Variants in FXR1 observed in about 807,000 individuals in gnomAD.
The protein encoded by FXR1 is FMR1 autosomal homolog 1.
In FXR1, 15 loss-of-function variants were observed where a neutral mutation model predicts 84.0. That is an observed-to-expected ratio of 0.18 (90% CI 0.12 to 0.27). The LOEUF is 0.27. Among genes scored for constraint, FXR1 ranks in the 10% least tolerant of loss-of-function variants. The pLI, the probability that FXR1 is intolerant of heterozygous loss-of-function variation, is 1.00. For synonymous variants in FXR1, 245 were observed against 250.7 expected, an observed-to-expected ratio of 0.98 and a Z score of 0.21; for missense variants, 480 against 774.4, an observed-to-expected ratio of 0.62 and a Z score of 4.51.
chr3:180,927,045 G>A (rs1560165499), intron 1 of FXR1, among the ~76,000 whole-genome samples: 1 of 151,988 alleles, frequency 6.6e-6, no homozygotes, highest in Non-Finnish European at 1.5e-5. Flanking sequence ...CCAGGTTTTG[G>A]ACAAGATAAT....
intron 15 of FXR1, chr3:180,971,054 T>C (rs1165373066): frequency 1.1e-5 from 12 of 1,074,868 alleles, no homozygotes; most frequent in Middle Eastern, 2.5e-4. Context: ...GAATAGTTCA[T>C]GGTAAACTTT....
chr3:180,938,463 C>T (rs1028132709), intron 3 of FXR1, among the ~76,000 whole-genome samples: 2 of 152,080 alleles, frequency 1.3e-5, no homozygotes, highest in Admixed American at 6.5e-5. Flanking sequence ...GGCTCTTAAC[C>T]CCTTGTTCTG....
rs1714443783 is a variant in FXR1 at position 180,978,644 on chromosome 3, G to T, written c.*2352G>T. Reference sequence around the variant, plus strand: ...TTATGTCTTTGGTTCTAGCTACTCAGGAGCCTGAGGTGGGAGCATCATTTG... The same window carrying T: ...TTATGTCTTTGGTTCTAGCTACTCATGAGCCTGAGGTGGGAGCATCATTTG... On this transcript the variant is annotated 3_prime_UTR_variant, in exon 17 of 17. Transcript: ENST00000357559. The T allele has an allele frequency of 6.6e-6, 1 of 152,088 alleles. No homozygotes were observed. The highest frequency in any genetic ancestry group is 2.4e-5 in the African/African-American group (1 of 41,430). 9.4% of individuals were successfully genotyped at this position (152,088 alleles called of 1,614,324 possible). A position where few individuals can be genotyped will look rare whatever the true frequency, so the allele number is the denominator to read the frequency against.
At chr3:180,957,118 G>A (rs2108476729) in intron 9 of FXR1, among the ~76,000 whole-genome samples, 1 of 152,306 alleles carries the variant, frequency 6.6e-6, no homozygotes, top group East Asian at 1.9e-4. Flanking sequence ...TTTAGGGAAA[G>A]AGAGCCTTTT....
chr3:180,946,064 C>A (rs1231917298), intron 3 of FXR1, among the ~76,000 whole-genome samples: 1 of 152,142 alleles, frequency 6.6e-6, no homozygotes, highest in East Asian at 1.9e-4. Flanking sequence ...AGGCCTTCCT[C>A]TGTAAATTTT....
At chr3:180,948,539 A>G in intron 5 of FXR1, 44 bp downstream of exon 5, 1 of 1,378,440 alleles carries the variant, frequency 7.3e-7, no homozygotes, top group South Asian at 1.2e-5. Flanking sequence ...TGAATTAAGA[A>G]GATTTTTCAG....
rs576543622 is a variant in FXR1 at position 180,929,202 on chromosome 3, G to C, written c.52-4132G>C. ...TTACAGGCGTGAGCCACCGCGCCCG[G>C]CCTAATTTATGGCATTTTTAGTTTT... On this transcript the variant is annotated intron_variant, in intron 1 of 16. Coordinates refer to ENST00000357559, the MANE Select transcript of FXR1 (RefSeq NM_005087.4). 1.5e-3 allele frequency among the ~76,000 whole-genome samples: 235 copies of C among 152,242 alleles called. 2 individuals carry two copies. The highest frequency in any genetic ancestry group is 5.5e-3 in the African/African-American group (230 of 41,528).
At chr3:180,931,772 ACT>A (rs1719937896) in intron 1 of FXR1, among the ~76,000 whole-genome samples, 1 of 104,312 alleles carries the variant, frequency 9.6e-6, no homozygotes, top group Non-Finnish European at 1.8e-5. Context: ...AGATGGGGCC[ACT>A]CTGTCACCCA....
chr3:180,971,098 C>T (rs550166357), intron 15 of FXR1: 61 of 1,257,802 alleles, frequency 4.8e-5, no homozygotes, highest in African/African-American at 1.9e-4. Flanking sequence ...AAAACCCCAG[C>T]GACGCAATCG....
chr3:180,918,151 C>A (rs540050031), intron 1 of FXR1, among the ~76,000 whole-genome samples: 6 of 151,964 alleles, frequency 3.9e-5, no homozygotes, highest in African/African-American at 1.4e-4. Flanking sequence ...CTTTTATGTA[C>A]CTGTTATTTT....
chr3:180,956,218 T>C (rs549427482), intron 9 of FXR1, among the ~76,000 whole-genome samples: 1 of 152,276 alleles, frequency 6.6e-6, no homozygotes, highest in African/African-American at 2.4e-5. Flanking sequence ...GGGAAAAATA[T>C]CTGAACGTTG....
At chr3:180,956,620 A>T (rs1055110027) in intron 9 of FXR1, among the ~76,000 whole-genome samples, 1 of 152,112 alleles carries the variant, frequency 6.6e-6, no homozygotes, top group Admixed American at 6.5e-5. Context: ...TGTGTTAACA[A>T]TGAAGGTTGC....
At chr3:180,928,017 T>A (rs1210284471) in intron 1 of FXR1, among the ~76,000 whole-genome samples, 1 of 152,082 alleles carries the variant, frequency 6.6e-6, no homozygotes, top group Non-Finnish European at 1.5e-5. Flanking sequence ...GGGTTTTGCT[T>A]TTTTGGTTAG....
In FXR1 at chr3:180,922,513, G is replaced by T. The variant is rs1260396921; in HGVS notation, c.51+9777G>T. On this transcript the variant is annotated intron_variant, in intron 1 of 16. Transcript: ENST00000357559. The stretch of plus-strand genomic sequence containing the variant: ...GTCTTTTGCCCATTTTTTTGTTGGG[G>T]TGTCCTTTGTCAGTTTTGAAAATCT... Among the ~76,000 whole-genome samples the T allele has an allele frequency of 2.6e-5, 4 of 152,160 alleles. 1 individual carries two copies. The East Asian group carries it at 5.8e-4, about 22-fold the overall frequency.
At chr3:180,953,611 C>T (rs540883646) in intron 8 of FXR1, 151 bp from the exon 9 acceptor site, 13 of 494,278 alleles carry the variant, frequency 2.6e-5, no homozygotes, top group Middle Eastern at 3.8e-4. Flanking sequence ...TGAATCACTT[C>T]ACCTGAAATC....
chr3:180,947,278 C>G (rs1294711503), intron 3 of FXR1, among the ~76,000 whole-genome samples: 2 of 152,150 alleles, frequency 1.3e-5, no homozygotes, highest in East Asian at 3.8e-4. Flanking sequence ...AACTCCTGAC[C>G]TCAGGTTATC....
At chr3:180,966,334 C>T (rs1308383761) in intron 13 of FXR1, among the ~76,000 whole-genome samples, 3 of 152,074 alleles carry the variant, frequency 2.0e-5, no homozygotes, top group Non-Finnish European at 4.4e-5. Flanking sequence ...TCTATTAACA[C>T]CATGTAGAGA....
intron 13 of FXR1, among the ~76,000 whole-genome samples, chr3:180,963,442 G>A (rs1015818996): frequency 2.0e-5 from 3 of 152,090 alleles, no homozygotes; most frequent in Non-Finnish European, 4.4e-5. Context: ...AGTAATGGTG[G>A]TGGTGATACT....
chr3:180,934,408 A>T (rs945639125), intron 2 of FXR1, among the ~76,000 whole-genome samples: 1 of 152,214 alleles, frequency 6.6e-6, no homozygotes, highest in African/African-American at 2.4e-5. Flanking sequence ...ATGAGAAATT[A>T]GAGTAGGGAA....
Sources: gnomAD v4.1 joint callset for allele counts (sites outside exome capture counted in the v4.1 genomes callset) on GRCh38, gnomAD v4.1.1 for gene constraint, MANE v1.5 for transcripts, NCBI Gene and HGNC (gene_info 2026-07-23, HGNC 2026-07-21) for gene names.